Variants in MYO3A observed in about 807,000 individuals in gnomAD.
MYO3A encodes myosin-IIIa.
MYO3A carries 180 observed loss-of-function variants against 192.7 expected under a neutral mutation model. The observed-to-expected ratio is 0.93, with a 90% CI of 0.83 to 1.06. The LOEUF (loss-of-function observed/expected upper bound fraction) is 1.06, where lower values mean the gene tolerates loss of function less well. Among genes scored for constraint, MYO3A ranks in the 50% least tolerant of loss-of-function variants. The pLI is 0.00. For missense variants in MYO3A, 1,896 were observed against 1,905.0 expected (o/e 1.00, Z 0.09); for synonymous variants, 628 against 645.3 (o/e 0.97, Z 0.41).
At chr10:26,187,694 A>C (rs1412458479) in intron 31 of MYO3A, among the ~76,000 whole-genome samples, 2 of 125,560 alleles carry the variant, frequency 1.6e-5, no homozygotes, top group African/African-American at 3.1e-5. Context: ...TCCTGTGTCC[A>C]TGTGTTCTCA....
intron 18 of MYO3A, among the ~76,000 whole-genome samples, chr10:26,122,036 A>T (rs2131709238): frequency 6.6e-6 from 1 of 152,298 alleles, no homozygotes; most frequent in African/African-American, 2.4e-5. Flanking sequence ...ATATTTAAAA[A>T]TTTTTAATTG....
chr10:26,135,151 G>A (rs1217050072), intron 20 of MYO3A, among the ~76,000 whole-genome samples: 1 of 152,162 alleles, frequency 6.6e-6, no homozygotes, highest in Non-Finnish European at 1.5e-5. Flanking sequence ...CAGGACCAGA[G>A]TAAAGGGCTT....
chr10:25,976,039 A>G (rs1838946191), intron 4 of MYO3A, among the ~76,000 whole-genome samples: 1 of 152,218 alleles, frequency 6.6e-6, no homozygotes. Context: ...AATTAAAACC[A>G]CAATGAAATG....
At chr10:26,205,608 CTTTTTTT>C (rs576007724) in intron 34 of MYO3A, among the ~76,000 whole-genome samples, 10 of 68,616 alleles carry the variant, frequency 1.5e-4, no homozygotes, top group South Asian at 5.7e-4. Flanking sequence ...CTTTTCTTTT[CTTTTTTT>C]TTTTTTTTTT....
At chr10:25,983,363 C>T (rs1839450610) in intron 4 of MYO3A, among the ~76,000 whole-genome samples, 5 of 151,730 alleles carry the variant, frequency 3.3e-5, no homozygotes, top group African/African-American at 1.2e-4. Context: ...TCATGCCATT[C>T]TCCTGTCTCA....
At chr10:26,051,595 A>T (rs1389444180) in intron 10 of MYO3A, among the ~76,000 whole-genome samples, 5 of 148,222 alleles carry the variant, frequency 3.4e-5, no homozygotes, top group Admixed American at 6.8e-5. Context: ...TATATAGTAT[A>T]TATAAAACAT....
chr10:26,028,015 T>C (rs535835324), intron 10 of MYO3A, among the ~76,000 whole-genome samples: 2 of 152,314 alleles, frequency 1.3e-5, no homozygotes, highest in East Asian at 3.9e-4. Flanking sequence ...CAGAAACATA[T>C]CACTATTTAG....
intron 4 of MYO3A, among the ~76,000 whole-genome samples, chr10:25,989,417 T>A (rs556630977): frequency 5.9e-5 from 9 of 152,292 alleles, no homozygotes; most frequent in African/African-American, 2.2e-4. Context: ...TTTATGCAGC[T>A]AAAAGGGTAT....
chr10:26,107,857 T>C (rs771658139), intron 17 of MYO3A, among the ~76,000 whole-genome samples: 3 of 152,164 alleles, frequency 2.0e-5, no homozygotes, highest in Non-Finnish European at 4.4e-5. Context: ...CATTTACCCA[T>C]CCGATAAATG....
chr10:26,183,297 G>C (rs974651775), intron 31 of MYO3A, among the ~76,000 whole-genome samples: 1 of 152,154 alleles, frequency 6.6e-6, no homozygotes, highest in South Asian at 2.1e-4. Flanking sequence ...GGCCGAGGCC[G>C]GCGGATCACG....
Position 26,070,331 on chromosome 10 carries a change from C to G in MYO3A, c.1289C>G (p.Ser430Cys), listed in dbSNP as rs1163024557. 2.5e-6 allele frequency: 4 copies of G among 1,613,136 alleles called. No homozygotes were observed. Among genetic ancestry groups the G allele is most frequent in the Non-Finnish European group, 3.4e-6 (4 of 1,179,382 alleles). Residue 430 changes from serine (S) to cysteine (C), a missense_variant, in exon 14 of 35, where the codon TCT becomes TGT. Ser to Cys is a moderately radical substitution (Grantham distance 112, BLOSUM62 -1). Coordinates refer to ENST00000642920, the MANE Select transcript of MYO3A (RefSeq NM_017433.5). ...TYNSDQCIVI[S>C]GESGAGKTEN... The stretch of plus-strand genomic sequence containing the variant: ...TTCTATGTATAGTGCATTGTTATTT[C>G]TGGAGAAAGTGGTGCTGGAAAGACT...
Position 26,158,357 on chromosome 10 carries a change from ATTC to A in MYO3A, c.2999+847_2999+849del, listed in dbSNP as rs200236467. 6.0e-3 allele frequency among the ~76,000 whole-genome samples: 911 copies of A among 150,852 alleles called. 14 individuals are homozygous for A. The highest frequency in any genetic ancestry group is 0.021 in the African/African-American group (849 of 40,876). On this transcript the variant is annotated intron_variant, in intron 26 of 34. Coordinates refer to ENST00000642920, the MANE Select transcript of MYO3A (RefSeq NM_017433.5). ...AAGCTCTGCTTCCCAGGCTCATGCC[ATTC>A]TTCTGCCTCAGCCTCCCGACTAGCT...
In MYO3A at chr10:26,094,535, C is replaced by T. The variant is rs941332985; in HGVS notation, c.1563-1846C>T. Among the ~76,000 whole-genome samples, 36 of 151,186 alleles carry T rather than the reference C, an allele frequency of 2.4e-4. 2 individuals carry two copies. Among genetic ancestry groups the T allele is most frequent in the East Asian group, 2.3e-3 (12 of 5,108 alleles). ...TGCCTCCCGGGTTCATGCCATTCTC[C>T]TGCCTCAGCCTCCCCAGCAGCTGGG... is the stretch of plus-strand genomic sequence containing the variant. On this transcript the variant is annotated intron_variant, in intron 15 of 34. Coordinates refer to ENST00000642920, the MANE Select transcript of MYO3A (RefSeq NM_017433.5).
At chr10:26,080,123 A>G (rs1253442725) in intron 14 of MYO3A, among the ~76,000 whole-genome samples, 1 of 152,236 alleles carries the variant, frequency 6.6e-6, no homozygotes, top group Non-Finnish European at 1.5e-5. Flanking sequence ...TATGTTTTCC[A>G]AGCCTTAAGA....
At chr10:26,113,956 T>G (rs996699475) in intron 17 of MYO3A, among the ~76,000 whole-genome samples, 2 of 152,232 alleles carry the variant, frequency 1.3e-5, no homozygotes, top group African/African-American at 4.8e-5. Flanking sequence ...GAATTGAACC[T>G]AAGAATAGAG....
At chr10:25,966,833 G>A (rs1255909930) in intron 4 of MYO3A, among the ~76,000 whole-genome samples, 3 of 152,282 alleles carry the variant, frequency 2.0e-5, no homozygotes, top group African/African-American at 7.2e-5. Flanking sequence ...GACAGACCAG[G>A]TATTGACATG....
chr10:25,979,733 A>T (rs1237457696), intron 4 of MYO3A, among the ~76,000 whole-genome samples: 6 of 152,116 alleles, frequency 3.9e-5, no homozygotes, highest in Non-Finnish European at 8.8e-5. Flanking sequence ...TTTCCCTCTA[A>T]TGAGGGGCTT....
intron 7 of MYO3A, 73 bp from the exon 8 acceptor site, chr10:26,021,430 T>C: frequency 1.3e-6 from 2 of 1,530,816 alleles, no homozygotes; most frequent in Non-Finnish European, 1.8e-6. Flanking sequence ...ACTTAATGCT[T>C]TGTTCTAAGT....
intron 14 of MYO3A, among the ~76,000 whole-genome samples, chr10:26,083,222 G>C (rs1360347042): frequency 6.6e-6 from 1 of 152,080 alleles, no homozygotes; most frequent in Non-Finnish European, 1.5e-5. Flanking sequence ...AAACTGAGAG[G>C]GCTACTAAGT....
Sources: gnomAD v4.1 joint callset for allele counts (sites outside exome capture counted in the v4.1 genomes callset) on GRCh38, gnomAD v4.1.1 for gene constraint, MANE v1.5 for transcripts, NCBI Gene and HGNC (gene_info 2026-07-23, HGNC 2026-07-21) for gene names.